The following SP100 variants were observed in gnomAD, a reference collection of about 807,000 sequenced individuals.
SP100 encodes the protein nuclear autoantigen Sp-100.
A neutral mutation model predicts 130.0 loss-of-function variants in SP100; 84 were observed. The observed-to-expected ratio is 0.65, with a 90% CI of 0.54 to 0.77. The LOEUF (loss-of-function observed/expected upper bound fraction) is 0.77. Among genes scored for constraint, SP100 ranks in the 30% least tolerant of loss-of-function variants. SP100 has a pLI of 0.00. For missense variants in SP100, 978 were observed against 1,052.2 expected (o/e 0.93, Z 0.97); for synonymous variants, 331 against 351.7 (o/e 0.94, Z 0.66).
rs557140870 is a variant in SP100, at chr2:230,500,935, C to T, written c.1721-2131C>T. On this transcript the variant is annotated intron_variant, in intron 19 of 28. Coordinates refer to ENST00000340126, the MANE Select transcript of SP100 (RefSeq NM_001080391.2). ...GAGGTCTCCATTCTTCCACATTTTACGTGTTTCTTTTAAACCTTTAGTTCA... is the reference window on the plus strand; with the variant it reads ...GAGGTCTCCATTCTTCCACATTTTATGTGTTTCTTTTAAACCTTTAGTTCA... Among the ~76,000 whole-genome samples, 62 of 152,254 alleles carry T rather than the reference C, an allele frequency of 4.1e-4. 1 individual carries two copies. The highest frequency in any genetic ancestry group is 7.5e-4 in the Non-Finnish European group (51 of 68,022).
At chr2:230,539,604 G>A in intron 25 of SP100, among the ~76,000 whole-genome samples, 1 of 152,218 alleles carries the variant, frequency 6.6e-6, no homozygotes, top group East Asian at 1.9e-4. Context: ...AGTGGTTATT[G>A]AGTGCAATAG....
intron 24 of SP100, among the ~76,000 whole-genome samples, chr2:230,527,038 A>T (rs1330308132): frequency 1.3e-5 from 2 of 152,192 alleles, no homozygotes; most frequent in Non-Finnish European, 2.9e-5. Context: ...TAACCTAGCA[A>T]GACAGACCAA....
chr2:230,500,237 A>T (rs1420681833), intron 19 of SP100, among the ~76,000 whole-genome samples: 1 of 152,224 alleles, frequency 6.6e-6, no homozygotes, highest in Admixed American at 6.5e-5. Flanking sequence ...AAGAACAGTT[A>T]AGTCCTACTT....
At chr2:230,448,491 T>A (rs1232791259) in intron 5 of SP100, among the ~76,000 whole-genome samples, 1 of 152,120 alleles carries the variant, frequency 6.6e-6, no homozygotes, top group African/African-American at 2.4e-5. Flanking sequence ...AAAACCCAGA[T>A]GTTCTACCCC....
chr2:230,461,581 G>A (rs1471751151), intron 9 of SP100, among the ~76,000 whole-genome samples, 167 bp downstream of exon 9: 1 of 152,064 alleles, frequency 6.6e-6, no homozygotes, highest in East Asian at 1.9e-4. Context: ...ACAGAAGAAA[G>A]TCCTTAGGAG....
chr2:230,438,522 C>T (rs887597596), intron 2 of SP100, among the ~76,000 whole-genome samples: 2 of 151,874 alleles, frequency 1.3e-5, no homozygotes, highest in African/African-American at 4.8e-5. Context: ...GAGAACATAA[C>T]GATACTTGGT....
chr2:230,541,405 G>A, intron 27 of SP100, 33 bp downstream of exon 27: 1 of 1,551,442 alleles, frequency 6.4e-7, no homozygotes, highest in Non-Finnish European at 8.9e-7. Flanking sequence ...TGCTTATACT[G>A]GCATTTGTCA....
In SP100 at chr2:230,466,347, GA is replaced by G; in HGVS notation, c.1192del (p.Arg398GlufsTer2). On this transcript the variant is annotated frameshift_variant, in exon 12 of 29. Coordinates refer to ENST00000340126, the MANE Select transcript of SP100 (RefSeq NM_001080391.2). LOFTEE classifies it high-confidence loss of function. ...TATCTACATTCAGAGAAAGTTTTAA[GA>G]AAAGAGGTAAGAGAAAGCTTTAGGA... ...KLSTFRESFK[K>X]RVIGQDHDFS... 2 of 1,550,148 alleles carry G rather than the reference GA, an allele frequency of 1.3e-6. No homozygotes were observed. The highest frequency in any genetic ancestry group is 1.8e-6 in the Non-Finnish European group (2 of 1,122,756).
chr2:230,525,409 A>C (rs963911795), intron 24 of SP100, among the ~76,000 whole-genome samples: 3 of 152,230 alleles, frequency 2.0e-5, no homozygotes, highest in African/African-American at 7.2e-5. Context: ...GTGAATTAGT[A>C]AACTAAGAAA....
intron 17 of SP100, among the ~76,000 whole-genome samples, chr2:230,487,489 C>T (rs13076229): frequency 2.0e-5 from 3 of 152,064 alleles, no homozygotes; most frequent in South Asian, 2.1e-4. Context: ...TGCAGATATG[C>T]GGTGTTATTT....
intron 23 of SP100, 165 bp downstream of exon 23, chr2:230,508,196 AG>A (rs1690267784): frequency 1.1e-5 from 13 of 1,172,770 alleles, no homozygotes; most frequent in Non-Finnish European, 1.4e-5. Flanking sequence ...GTATAAGTCC[AG>A]GGCTCCTTTG....
At chr2:230,443,636 T>G (rs2063558172) in intron 3 of SP100, among the ~76,000 whole-genome samples, 1 of 152,218 alleles carries the variant, frequency 6.6e-6, no homozygotes, top group Non-Finnish European at 1.5e-5. Flanking sequence ...TTCTTTCCTT[T>G]TTTTTGTGCA....
intron 2 of SP100, 87 bp downstream of exon 2, chr2:230,417,752 T>G: frequency 1.3e-6 from 2 of 1,526,110 alleles, no homozygotes; most frequent in African/African-American, 2.8e-5. Flanking sequence ...TCTTGGCCAT[T>G]TAAATTCCCT....
chr2:230,499,351 C>T lies in SP100; in HGVS notation c.1720+816C>T, dbSNP rs562080017. 3.0e-3 allele frequency among the ~76,000 whole-genome samples: 449 copies of T among 149,342 alleles called. 1 individual carries two copies. Among genetic ancestry groups the T allele is most frequent in the African/African-American group, 0.011 (426 of 40,356 alleles). ...GGAGGAGGCAAGCAGAGAAGACAGA[C>T]ATCATCTCCTGCCAGACTGCCCTGT... On this transcript the variant is annotated intron_variant, in intron 19 of 28. Transcript: ENST00000340126.
Position 230,521,672 on chromosome 2 carries a change from CA to C in SP100, c.2094+10508del, listed in dbSNP as rs535688626. ...CTGGACCTAGATCAGGGTGTTTCAA[CA>C]ACAGATTTTGGTTTCCTGACAGTAA... On this transcript the variant is annotated intron_variant, in intron 24 of 28. Coordinates refer to ENST00000340126, the MANE Select transcript of SP100 (RefSeq NM_001080391.2). 3.7e-3 allele frequency among the ~76,000 whole-genome samples: 559 copies of C among 152,270 alleles called. 3 individuals are homozygous for C. Among genetic ancestry groups the C allele is most frequent in the Non-Finnish European group, 5.5e-3 (375 of 68,040 alleles).
At chr2:230,458,758 G>A (rs998527766) in intron 8 of SP100, among the ~76,000 whole-genome samples, 10 of 152,090 alleles carry the variant, frequency 6.6e-5, no homozygotes, top group African/African-American at 2.2e-4. Context: ...TCGTAATGAT[G>A]GGAATGTTTG....
chr2:230,480,010 C>T (rs2065758649), intron 17 of SP100, among the ~76,000 whole-genome samples: 1 of 152,186 alleles, frequency 6.6e-6, no homozygotes, highest in Non-Finnish European at 1.5e-5. Context: ...CTTCCTGGCT[C>T]TTCTACATAA....
At chr2:230,522,280 G>A (rs1310519870) in intron 24 of SP100, among the ~76,000 whole-genome samples, 1 of 152,112 alleles carries the variant, frequency 6.6e-6, no homozygotes, top group Non-Finnish European at 1.5e-5. Context: ...ACAGTCATGG[G>A]AAATTAGAAT....
rs766887294 is a variant in SP100 at position 230,416,228 on chromosome 2, C to G, written c.-69C>G. On this transcript the variant is annotated 5_prime_UTR_variant, in exon 1 of 29. Transcript: ENST00000340126. ...TTGGGGCCTGGGCAGCCACACTGCACGCAGGCTGGGCCGACTGAGGGGCTC... is the reference window on the plus strand; with the variant it reads ...TTGGGGCCTGGGCAGCCACACTGCAGGCAGGCTGGGCCGACTGAGGGGCTC... 6.7e-5 allele frequency: 90 copies of G among 1,350,358 alleles called. No individual in the cohort carries two copies. The highest frequency in any genetic ancestry group is 2.3e-5 in the East Asian group (1 of 42,972). 83.6% of individuals were successfully genotyped at this position (1,350,358 alleles called of 1,614,324 possible).
Sources: gnomAD v4.1 joint callset for allele counts (sites outside exome capture counted in the v4.1 genomes callset) on GRCh38, gnomAD v4.1.1 for gene constraint, MANE v1.5 for transcripts, NCBI Gene and HGNC (gene_info 2026-07-23, HGNC 2026-07-21) for gene names.